The following PCDH15 variants were observed in gnomAD, a reference collection of about 807,000 sequenced individuals.
PCDH15 encodes the protein protocadherin related 15.
In PCDH15, 129 loss-of-function variants were observed where a neutral mutation model predicts 178.5. That is an observed-to-expected ratio of 0.72 (90% CI 0.63 to 0.84). PCDH15 has a LOEUF of 0.84. Ranked by LOEUF, PCDH15 falls within the 40% of genes least tolerant of loss-of-function variation. PCDH15 has a pLI of 0.00. For synonymous variants in PCDH15, 800 were observed against 732.0 expected, an observed-to-expected ratio of 1.09 and a Z score of -1.50; for missense variants, 2,230 against 2,099.9, an observed-to-expected ratio of 1.06 and a Z score of -1.21.
intron 2 of PCDH15, among the ~76,000 whole-genome samples, chr10:55,556,477 C>T (rs1040716768): frequency 2.6e-5 from 4 of 152,108 alleles, no homozygotes; most frequent in South Asian, 2.1e-4. Flanking sequence ...TATGCTTTTC[C>T]CCAAAACTTG....
At chr10:54,877,938 CTTTTTTTTTTTTTTTTTTTTTTTT>C (rs1203452904) in intron 3 of PCDH15, among the ~76,000 whole-genome samples, 4 of 8,088 alleles carry the variant, frequency 4.9e-4, no homozygotes, top group Admixed American at 1.7e-3. Context: ...CTCTCTCTCT[CTTTTTTTTTTTTTTTTTTTTTTTT>C]TTTTTTTTTT....
intron 2 of PCDH15, among the ~76,000 whole-genome samples, chr10:55,381,922 A>C (rs2132002305): frequency 6.6e-6 from 1 of 152,258 alleles, no homozygotes; most frequent in South Asian, 2.1e-4. Flanking sequence ...TCTGAAAGAA[A>C]AGTTGTCTGA....
intron 1 of PCDH15, among the ~76,000 whole-genome samples, chr10:55,193,360 A>G (rs546011397): frequency 6.6e-6 from 1 of 152,092 alleles, no homozygotes; most frequent in African/African-American, 2.4e-5. Flanking sequence ...TATCATAAAC[A>G]CTGTTTGTTT....
At chr10:54,753,975 ATTTT>A (rs60529059) in intron 1 of PCDH15, among the ~76,000 whole-genome samples, 2 of 139,626 alleles carry the variant, frequency 1.4e-5, no homozygotes, top group South Asian at 2.4e-4. Flanking sequence ...CGGCCGGCTG[ATTTT>A]TTTTTTTTAT....
intron 3 of PCDH15, among the ~76,000 whole-genome samples, chr10:54,405,834 A>T (rs1410555163): frequency 6.6e-6 from 1 of 151,700 alleles, no homozygotes; most frequent in Non-Finnish European, 1.5e-5. Flanking sequence ...TGAAGGCTAG[A>T]AGTTGAGGTG....
chr10:54,942,251 A>C (rs895861946), intron 2 of PCDH15, among the ~76,000 whole-genome samples: 4 of 151,894 alleles, frequency 2.6e-5, no homozygotes, highest in Non-Finnish European at 5.9e-5. Flanking sequence ...TGTGTTGTTC[A>C]TTAGGAACCA....
chr10:54,804,965 T>G (rs1952756885), upstream of PCDH15, among the ~76,000 whole-genome samples: 3 of 26,348 alleles, frequency 1.1e-4, 1 homozygote, highest in African/African-American at 3.6e-4. Context: ...TTTGCTACAG[T>G]GCAAAGCTAG....
chr10:54,756,329 A>T (rs1474263683), intron 1 of PCDH15, among the ~76,000 whole-genome samples: 1 of 152,136 alleles, frequency 6.6e-6, no homozygotes, highest in African/African-American at 2.4e-5. Context: ...CTTATTACTG[A>T]CGTGTCCCTA....
chr10:55,067,370 A>G (rs1841593188), intron 2 of PCDH15, among the ~76,000 whole-genome samples: 1 of 151,978 alleles, frequency 6.6e-6, no homozygotes, highest in Non-Finnish European at 1.5e-5. Context: ...CACTTAATAT[A>G]ACCTCCAGTT....
chr10:54,386,072 C>T (rs1246792254), intron 3 of PCDH15, among the ~76,000 whole-genome samples: 2 of 148,192 alleles, frequency 1.3e-5, no homozygotes, highest in Non-Finnish European at 3.0e-5. Context: ...GTTTTGTATC[C>T]TACTACTTTG....
chr10:54,945,542 C>T (rs921681493), intron 2 of PCDH15, among the ~76,000 whole-genome samples: 5 of 150,948 alleles, frequency 3.3e-5, no homozygotes, highest in Non-Finnish European at 5.9e-5. Context: ...TTGTATTGAT[C>T]ACTATTTGAA....
chr10:55,012,415 G>T (rs185798136), intron 2 of PCDH15, among the ~76,000 whole-genome samples: 58 of 152,116 alleles, frequency 3.8e-4, no homozygotes. Context: ...ATTGTCAAAA[G>T]GTAATTTAGC....
intron 2 of PCDH15, among the ~76,000 whole-genome samples, chr10:55,562,024 T>C (rs1842210254): frequency 6.6e-6 from 1 of 152,002 alleles, no homozygotes; most frequent in Non-Finnish European, 1.5e-5. Flanking sequence ...TTTTATTTAA[T>C]ATAACACATT....
chr10:54,669,317 T>A (rs1289145902), intron 1 of PCDH15, among the ~76,000 whole-genome samples: 1 of 151,750 alleles, frequency 6.6e-6, no homozygotes, highest in African/African-American at 2.4e-5. Flanking sequence ...TTCTAGATCA[T>A]ATTATATTTT....
chr10:54,912,982 AC>A (rs1411293141), intron 2 of PCDH15, among the ~76,000 whole-genome samples: 1 of 152,208 alleles, frequency 6.6e-6, no homozygotes, highest in Non-Finnish European at 1.5e-5. Context: ...CTGAAAGCCT[AC>A]ACTCATCTGC....
intron 2 of PCDH15, among the ~76,000 whole-genome samples, chr10:55,120,948 C>A (rs1280626852): frequency 6.6e-6 from 1 of 152,168 alleles, no homozygotes; most frequent in Non-Finnish European, 1.5e-5. Context: ...GGCAAAGAAC[C>A]ATCACAGTGG....
At chr10:55,425,775 G>C (rs1838740621) in intron 2 of PCDH15, among the ~76,000 whole-genome samples, 1 of 152,046 alleles carries the variant, frequency 6.6e-6, no homozygotes, top group South Asian at 2.1e-4. Context: ...TGTCTTATAA[G>C]CTATTAATAT....
intron 2 of PCDH15, among the ~76,000 whole-genome samples, chr10:54,552,614 T>C (rs1167170966): frequency 6.6e-6 from 1 of 152,114 alleles, no homozygotes; most frequent in African/African-American, 2.4e-5. Context: ...TGGTAAAAAA[T>C]GTATAATATG....
chr10:55,448,997 T>A (rs572229577), intron 2 of PCDH15, among the ~76,000 whole-genome samples: 1 of 152,070 alleles, frequency 6.6e-6, no homozygotes, highest in African/African-American at 2.4e-5. Context: ...TCTCATACTT[T>A]ATATTTAATC....
Sources: allele counts gnomAD v4.1 joint callset (sites outside exome capture counted in the v4.1 genomes callset), GRCh38; gene constraint gnomAD v4.1.1; transcripts MANE v1.5; gene names NCBI Gene and HGNC (gene_info 2026-07-23, HGNC 2026-07-21).